The following HDLBP variants were observed in gnomAD, a reference collection of about 807,000 sequenced individuals.
HDLBP encodes vigilin.
A neutral mutation model predicts 137.3 loss-of-function variants in HDLBP; 30 were observed. That is an observed-to-expected ratio of 0.22 (90% CI 0.16 to 0.30). The LOEUF is 0.30. HDLBP is among the 10% of genes least tolerant of loss of function. The pLI is 1.00. For synonymous variants in HDLBP, 606 were observed against 596.0 expected (o/e 1.02, Z -0.24); for missense variants, 1,119 against 1,667.3 (o/e 0.67, Z 5.73).
chr2:241,264,734 A>G (rs1242581282), intron 3 of HDLBP, 129 bp from the exon 4 acceptor site: 6 of 841,694 alleles, frequency 7.1e-6, no homozygotes, highest in Non-Finnish European at 9.1e-6. Flanking sequence ...AACTCCCCCC[A>G]CCCCTCTCTT....
intron 1 of HDLBP, among the ~76,000 whole-genome samples, chr2:241,298,704 G>A (rs945647810): frequency 1.1e-4 from 16 of 152,150 alleles, no homozygotes; most frequent in African/African-American, 3.9e-4. Context: ...CACCACTAAG[G>A]GGACTAACTG....
At position 241,272,331 on chromosome 2, in the gene HDLBP, G is replaced by A. The variant is rs1047884171; in HGVS notation, c.-102-3790C>T. 1.7e-5 allele frequency: 17 copies of A among 983,910 alleles called. No homozygotes were observed. Among genetic ancestry groups the A allele is most frequent in the Non-Finnish European group, 2.1e-5 (17 of 829,026 alleles). The allele number at this position is 983,910 out of a possible 1,614,324, so 60.9% of individuals were successfully genotyped here. Reference sequence around the variant, plus strand: ...CGGCGCCCCCGCCGGAGCGGGGGAGGGGAGGGCCGGCCCCGCCAACGTCAG... The same window carrying A: ...CGGCGCCCCCGCCGGAGCGGGGGAGAGGAGGGCCGGCCCCGCCAACGTCAG... On this transcript the variant is annotated intron_variant, in intron 1 of 27. Transcript: ENST00000310931. This position sits in a 1 kb window ranked among gnomAD's most constrained non-coding sequence, Gnocchi z 5.6.
intron 1 of HDLBP, among the ~76,000 whole-genome samples, chr2:241,276,950 C>T (rs2074409228): frequency 2.0e-5 from 3 of 148,266 alleles, no homozygotes; most frequent in Admixed American, 2.0e-4. Flanking sequence ...TTAAAAGTGA[C>T]ACCTTTTTAA....
In HDLBP at chr2:241,238,326, G is replaced by T. The variant is rs2070803470; in HGVS notation, c.2749+323C>A. The T allele has an allele frequency of 5.2e-6, 1 of 193,674 alleles. No homozygotes were observed. Among genetic ancestry groups the T allele is most frequent in the South Asian group, 1.9e-4 (1 of 5,252 alleles). 12.0% of individuals were successfully genotyped at this position (193,674 alleles called of 1,614,324 possible). A position where few individuals can be genotyped will look rare whatever the true frequency, so the allele number is the denominator to read the frequency against. Reference sequence around the variant, plus strand: ...GAGGAAGCTCTACGACGGGGCTCATGCGATCCAAACGATGTCATGAGAATC... The same window carrying T: ...GAGGAAGCTCTACGACGGGGCTCATTCGATCCAAACGATGTCATGAGAATC... On this transcript the variant is annotated intron_variant, in intron 20 of 27. Coordinates refer to ENST00000310931, the MANE Select transcript of HDLBP (RefSeq NM_005336.6). The surrounding 1 kb of genome is among the most constrained non-coding windows in gnomAD (Gnocchi z 4.9).
At chr2:241,247,460 T>C (rs1016897004) in intron 14 of HDLBP, 7 of 359,134 alleles carry the variant, frequency 1.9e-5, no homozygotes, top group African/African-American at 1.4e-4. Context: ...TGGGCAATTC[T>C]GCACTCACGG....
Position 241,248,230 on chromosome 2 carries a change from C to T in HDLBP, c.1617+14G>A, listed in dbSNP as rs2071834108. On this transcript the variant is annotated intron_variant, in intron 13 of 27. Transcript: ENST00000310931. The stretch of plus-strand genomic sequence containing the variant: ...ACTCCTATAGAGTTACAGAATGTCT[C>T]TGGGAAACTTTACCTCTGGGAATTT... 15 of 1,603,150 alleles carry T rather than the reference C, an allele frequency of 9.4e-6. No individual in the cohort carries two copies. The highest frequency in any genetic ancestry group is 1.3e-5 in the Non-Finnish European group (15 of 1,170,096).
At chr2:241,302,158 G>A (rs1272714593) in intron 1 of HDLBP, among the ~76,000 whole-genome samples, 4 of 152,024 alleles carry the variant, frequency 2.6e-5, no homozygotes, top group African/African-American at 7.2e-5. Flanking sequence ...CTCAGGAGGC[G>A]GAGGCAAAAG....
intron 11 of HDLBP, chr2:241,250,694 C>A (rs3771346): frequency 1.3e-5 from 2 of 152,156 alleles, no homozygotes; most frequent in African/African-American, 4.8e-5. Context: ...GCTTTTTGTG[C>A]GTCCATCCCA....
intron 5 of HDLBP, among the ~76,000 whole-genome samples, chr2:241,257,780 A>T (rs548039709): frequency 9.2e-5 from 14 of 152,346 alleles, no homozygotes; most frequent in Non-Finnish European, 1.2e-4. Flanking sequence ...CCTGAAAAAG[A>T]ATAGTGCAGG....
At chr2:241,283,035 A>G (rs530025586) in intron 1 of HDLBP, among the ~76,000 whole-genome samples, 25 of 152,232 alleles carry the variant, frequency 1.6e-4, no homozygotes, top group Non-Finnish European at 2.6e-4. Flanking sequence ...TGTGAATGCA[A>G]AGAAAAAAGG....
chr2:241,294,220 G>A lies in HDLBP; in HGVS notation c.-103+21350C>T, dbSNP rs1053064242. On this transcript the variant is annotated intron_variant, in intron 1 of 27. Coordinates refer to ENST00000310931, the MANE Select transcript of HDLBP (RefSeq NM_005336.6). ...TTGGCATTAATTGGGTTCTGATCTC[G>A]TTAGGGACCAATAACTATAATCAGG... 2.0e-5 allele frequency among the ~76,000 whole-genome samples: 3 copies of A among 152,118 alleles called. No individual in the cohort carries two copies. In the South Asian group the frequency reaches 6.2e-4, roughly 31 times the overall value.
chr2:241,230,942 G>A lies in HDLBP; in HGVS notation c.3291C>T (p.Pro1097=). The change falls in exon 25 of 28, where the codon CCC becomes CCT. Residue 1097 remains proline, a splice_region_variant and synonymous_variant. Coordinates refer to ENST00000310931, the MANE Select transcript of HDLBP (RefSeq NM_005336.6). This position sits in a 1 kb window ranked among gnomAD's most constrained non-coding sequence, Gnocchi z 5.0. Reference sequence around the variant, plus strand: ...ACCCTGTGATGGTAATTTGGTCCTGGGGCTAAAAAAGGAGAATGTAGTCAG... The same window carrying A: ...ACCCTGTGATGGTAATTTGGTCCTGAGGCTAAAAAAGGAGAATGTAGTCAG... ...QFPDKDDGNQ[P]QDQITITGYE... 5 of 1,611,898 alleles carry A rather than the reference G, an allele frequency of 3.1e-6. No homozygotes were observed. The highest frequency in any genetic ancestry group is 4.2e-6 in the Non-Finnish European group (5 of 1,178,176).
intron 1 of HDLBP, among the ~76,000 whole-genome samples, chr2:241,282,119 G>A (rs1036855719): frequency 1.4e-4 from 22 of 152,210 alleles, no homozygotes; most frequent in African/African-American, 5.1e-4. Context: ...TGGCACACGT[G>A]GCAGGCTCAA....
chr2:241,304,769 C>T (rs2075515016), intron 1 of HDLBP, among the ~76,000 whole-genome samples: 1 of 152,166 alleles, frequency 6.6e-6, no homozygotes, highest in Non-Finnish European at 1.5e-5. Flanking sequence ...GGCAGGATAT[C>T]CCCTTTGACC....
At position 241,231,098 on chromosome 2, in the gene HDLBP, C is replaced by T. The variant is rs943129773; in HGVS notation, c.3289-154G>A. The T allele has an allele frequency of 4.4e-6, 3 of 675,112 alleles. No homozygotes were observed. The African/African-American group carries it at 5.4e-5, about 12-fold the overall frequency. 41.8% of individuals were successfully genotyped at this position (675,112 alleles called of 1,614,324 possible). ...TAAAACAAGAGGTTAACAATGTCCACTCAGGGCCGGGCACGGTGGCTCACG... is the reference window on the plus strand; with the variant it reads ...TAAAACAAGAGGTTAACAATGTCCATTCAGGGCCGGGCACGGTGGCTCACG... On this transcript the variant is annotated intron_variant, in intron 24 of 27. Coordinates refer to ENST00000310931, the MANE Select transcript of HDLBP (RefSeq NM_005336.6).
intron 5 of HDLBP, among the ~76,000 whole-genome samples, chr2:241,260,439 T>C (rs2073058784): frequency 6.6e-6 from 1 of 152,138 alleles, no homozygotes; most frequent in Non-Finnish European, 1.5e-5. Flanking sequence ...ATAATGACAC[T>C]AAAGAGAGTC....
chr2:241,240,955 T>C lies in HDLBP; in HGVS notation c.2170-833A>G, dbSNP rs1425376199. ...AACATGCTAGCACAAAAATATTAAA[T>C]AACAACTTTGCTACCTTTTAAGTGC... On this transcript the variant is annotated intron_variant, in intron 17 of 27. Transcript: ENST00000310931. This position sits in a 1 kb window ranked among gnomAD's most constrained non-coding sequence, Gnocchi z 5.5. Among the ~76,000 whole-genome samples the C allele has an allele frequency of 6.6e-6, 1 of 152,110 alleles. No individual in the cohort carries two copies. Among genetic ancestry groups the C allele is most frequent in the Non-Finnish European group, 1.5e-5 (1 of 68,018 alleles).
At chr2:241,285,148 T>C (rs571011295) in intron 1 of HDLBP, among the ~76,000 whole-genome samples, 133 of 152,392 alleles carry the variant, frequency 8.7e-4, no homozygotes, top group Middle Eastern at 3.4e-3. Context: ...CCCAATGTGC[T>C]GGATTACAGG....
At chr2:241,241,734 A>G (rs2149409646) in intron 17 of HDLBP, among the ~76,000 whole-genome samples, 1 of 152,344 alleles carries the variant, frequency 6.6e-6, no homozygotes, top group Admixed American at 6.5e-5. Context: ...CATTTACAAT[A>G]GCACTAAAAG....
Sources: gnomAD v4.1 joint callset for allele counts (sites outside exome capture counted in the v4.1 genomes callset) on GRCh38, gnomAD v4.1.1 for gene constraint, Gnocchi (gnomAD v3.1) non-coding constraint, MANE v1.5 for transcripts, NCBI Gene and HGNC (gene_info 2026-07-23, HGNC 2026-07-21) for gene names.